ANO2: variants seen among roughly 807,000 people sequenced by gnomAD.
ANO2 encodes the protein anoctamin 2, also known as anoctamin-2.
Under a neutral mutation model 124.2 loss-of-function variants are expected in ANO2, and 101 were observed. The observed-to-expected ratio is 0.81, with a 90% confidence interval of 0.69 to 0.96. ANO2 has a LOEUF of 0.96. ANO2 is among the 40% of genes least tolerant of loss of function. The pLI is 0.00. For synonymous variants in ANO2, 486 were observed against 482.5 expected (o/e 1.01, Z -0.09); for missense variants, 1,293 against 1,274.5 (o/e 1.01, Z -0.22).
chr12:5,706,019 G>C (rs1413865640), intron 14 of ANO2, among the ~76,000 whole-genome samples: 1 of 152,172 alleles, frequency 6.6e-6, no homozygotes, highest in East Asian at 1.9e-4. Flanking sequence ...TGCCCTTCTG[G>C]GGGAGATTCG....
chr12:5,801,740 C>A (rs746043542), intron 9 of ANO2, among the ~76,000 whole-genome samples: 1 of 152,230 alleles, frequency 6.6e-6, no homozygotes, highest in Non-Finnish European at 1.5e-5. Context: ...AGGGGTCACT[C>A]AGTGCATGAA....
chr12:5,911,645 C>T (rs1274426732), intron 3 of ANO2, among the ~76,000 whole-genome samples: 1 of 152,142 alleles, frequency 6.6e-6, no homozygotes, highest in East Asian at 1.9e-4. Flanking sequence ...ACCAGGAATA[C>T]CAGTCAGATA....
intron 4 of ANO2, among the ~76,000 whole-genome samples, chr12:5,851,285 C>T (rs896574064): frequency 6.6e-6 from 1 of 152,090 alleles, no homozygotes; most frequent in Admixed American, 6.5e-5. Flanking sequence ...CTCTAAAAAG[C>T]ATAAGCATGT....
chr12:5,568,938 C>T (rs1205609176), intron 23 of ANO2, among the ~76,000 whole-genome samples: 1 of 152,268 alleles, frequency 6.6e-6, no homozygotes, highest in Non-Finnish European at 1.5e-5. Flanking sequence ...GAGTGCTCCG[C>T]ACACTATCTG....
intron 10 of ANO2, among the ~76,000 whole-genome samples, chr12:5,772,454 A>T (rs1245573739): frequency 6.6e-6 from 1 of 152,236 alleles, no homozygotes; most frequent in African/African-American, 2.4e-5. Flanking sequence ...TTAGATTAAA[A>T]ACCAGTTAAA....
rs553338810 is a variant in ANO2 at position 5,777,322 on chromosome 12, GAAGTA to G, written c.1055+22180_1055+22184del. ...AGTATGCCTCATTGAGCTCTGCAGA[GAAGTA>G]AAGATTCAAGCATTTGTCCTTCACC... On this transcript the variant is annotated intron_variant, in intron 10 of 24. Transcript: ENST00000682330. Among the ~76,000 whole-genome samples, 17 of 152,282 alleles carry G rather than the reference GAAGTA, an allele frequency of 1.1e-4. 1 individual carries two copies. Among genetic ancestry groups the G allele is most frequent in the South Asian group, 6.2e-4 (3 of 4,822 alleles).
At chr12:5,644,390 A>T (rs1946530321) in intron 15 of ANO2, among the ~76,000 whole-genome samples, 1 of 152,150 alleles carries the variant, frequency 6.6e-6, no homozygotes, top group Non-Finnish European at 1.5e-5. Context: ...TATCTTACTC[A>T]TTGTAGTTTT....
intron 14 of ANO2, among the ~76,000 whole-genome samples, chr12:5,708,738 T>G (rs34033955): frequency 0.062 from 9,426 of 152,286 alleles, 389 homozygotes; most frequent in Non-Finnish European, 0.079. Flanking sequence ...GGCCCAGCAC[T>G]TGGTAAGACA....
intron 3 of ANO2, among the ~76,000 whole-genome samples, chr12:5,885,510 T>C (rs1217050744): frequency 1.3e-5 from 2 of 152,224 alleles, no homozygotes; most frequent in Non-Finnish European, 2.9e-5. Context: ...TAATGCACTA[T>C]ATCACAAATC....
intron 20 of ANO2, among the ~76,000 whole-genome samples, chr12:5,585,098 AACTG>A (rs777636655): frequency 2.0e-5 from 3 of 152,020 alleles, no homozygotes; most frequent in African/African-American, 7.2e-5. Context: ...GGGCAGAGGT[AACTG>A]ACTGTCACCA....
At chr12:5,607,261 T>A (rs1269206212) in intron 19 of ANO2, among the ~76,000 whole-genome samples, 2 of 152,110 alleles carry the variant, frequency 1.3e-5, no homozygotes, top group Non-Finnish European at 2.9e-5. Flanking sequence ...TTCCAAAGCA[T>A]CACCGTTAAA....
chr12:5,640,757 C>T (rs373654887), intron 15 of ANO2, among the ~76,000 whole-genome samples: 1 of 152,184 alleles, frequency 6.6e-6, no homozygotes. Flanking sequence ...GAAATAGGAA[C>T]ACTTTTACAC....
chr12:5,906,358 A>AG lies in ANO2; in HGVS notation c.534+14681_534+14682insC, dbSNP rs1394408395. 5.3e-5 allele frequency among the ~76,000 whole-genome samples: 8 copies of AG among 150,816 alleles called. No homozygotes were observed. The East Asian group carries it at 5.8e-4, about 11-fold the overall frequency. ...ATGTCACACATTGTTAAAAAAAAAA[A>AG]AAAAAGAAAAAGAAAAAAAGAGGCC... On this transcript the variant is annotated intron_variant, in intron 3 of 24. Transcript: ENST00000682330.
chr12:5,757,957 A>G (rs1009102235), intron 10 of ANO2, among the ~76,000 whole-genome samples: 1 of 152,222 alleles, frequency 6.6e-6, no homozygotes, highest in Non-Finnish European at 1.5e-5. Context: ...GCACAAGGTC[A>G]TTTCCATAGA....
chr12:5,908,923 A>G lies in ANO2; in HGVS notation c.534+12117T>C, dbSNP rs1648761808. Among the ~76,000 whole-genome samples the G allele has an allele frequency of 2.6e-5, 4 of 152,068 alleles. No homozygotes were observed. In the South Asian group the frequency reaches 8.3e-4, roughly 31 times the overall value. ...TTATCTCCTCTGGAGAATGGCCTTC[A>G]CTCCACACAGAATCATGAGTCCACT... On this transcript the variant is annotated intron_variant, in intron 3 of 24. Coordinates refer to ENST00000682330, the MANE Select transcript of ANO2 (RefSeq NM_001364791.2). The surrounding 1 kb of genome is among the most constrained non-coding windows in gnomAD (Gnocchi z 4.7).
intron 10 of ANO2, among the ~76,000 whole-genome samples, chr12:5,785,928 G>A (rs1390736931): frequency 2.6e-5 from 4 of 152,026 alleles, no homozygotes; most frequent in Non-Finnish European, 5.9e-5. Context: ...TACACCATGT[G>A]TCCCAACAGG....
chr12:5,745,640 C>G (rs1490853124), intron 11 of ANO2, among the ~76,000 whole-genome samples: 4 of 152,052 alleles, frequency 2.6e-5, no homozygotes, highest in Admixed American at 6.6e-5. Context: ...CTGTCAAGCC[C>G]CAGTTTCTAG....
intron 10 of ANO2, among the ~76,000 whole-genome samples, chr12:5,757,505 A>C (rs1166253912): frequency 6.6e-6 from 1 of 152,226 alleles, no homozygotes; most frequent in Admixed American, 6.5e-5. Context: ...GACGTAAAAC[A>C]CAAGAGGGAA....
chr12:5,779,340 A>G (rs1432877472), intron 10 of ANO2, among the ~76,000 whole-genome samples: 1 of 152,186 alleles, frequency 6.6e-6, no homozygotes, highest in Non-Finnish European at 1.5e-5. Flanking sequence ...ACATAAATCA[A>G]TCTCCCTTCT....
Sources: allele counts gnomAD v4.1 joint callset (sites outside exome capture counted in the v4.1 genomes callset), GRCh38; gene constraint gnomAD v4.1.1; non-coding constraint Gnocchi (gnomAD v3.1); transcripts MANE v1.5; gene names NCBI Gene and HGNC (gene_info 2026-07-23, HGNC 2026-07-21).